Variants in BRD7 observed in about 807,000 individuals in gnomAD.
BRD7 encodes bromodomain-containing protein 7.
BRD7 carries 15 observed loss-of-function variants against 82.1 expected under a neutral mutation model. That is an observed-to-expected ratio of 0.18 (90% CI 0.12 to 0.28). The LOEUF is 0.28. Among genes scored for constraint, BRD7 ranks in the 10% least tolerant of loss-of-function variants. The pLI is 1.00. For synonymous variants in BRD7, 232 were observed against 266.9 expected (o/e 0.87, Z 1.27); for missense variants, 638 against 779.9 (o/e 0.82, Z 2.17).
chr16:50,326,492 A>G (rs888624242), intron 9 of BRD7, 101 bp from the exon 10 acceptor site: 1 of 717,574 alleles, frequency 1.4e-6, no homozygotes, highest in Non-Finnish European at 2.2e-6. Flanking sequence ...TGTCATCTGC[A>G]TGACCGTGAA....
At chr16:50,339,899 G>A (rs1366276197) in intron 6 of BRD7, 77 bp downstream of exon 6, 4 of 751,128 alleles carry the variant, frequency 5.3e-6, no homozygotes, top group Non-Finnish European at 8.6e-6. Context: ...ATACTGTATT[G>A]TATCTGTATT....
chr16:50,341,966 AC>A (rs1248876384), intron 5 of BRD7, among the ~76,000 whole-genome samples: 4 of 149,474 alleles, frequency 2.7e-5, no homozygotes, highest in Non-Finnish European at 6.0e-5. Context: ...ACACACACAC[AC>A]ATTTTACTTC....
chr16:50,320,387 A>T lies in BRD7; in HGVS notation c.1617T>A (p.Ala539=), dbSNP rs1323115797. ...VPVEVFDSEE[A]EIFQKKLDET... is the part of the protein sequence containing the mutation. ...CATCAAGTTTCTTCTGGAATATTTCAGCTTCTGTGTGGTAAGAAAACAGAC... is the reference window on the plus strand; with the variant it reads ...CATCAAGTTTCTTCTGGAATATTTCTGCTTCTGTGTGGTAAGAAAACAGAC... Residue 539 remains alanine (A), a synonymous_variant, in exon 15 of 17, where the codon GCT becomes GCA. Transcript: ENST00000394688. 6.2e-7 allele frequency: 1 copy of T among 1,613,214 alleles called. No individual in the cohort carries two copies. The highest frequency in any genetic ancestry group is 8.5e-7 in the Non-Finnish European group (1 of 1,179,666).
intron 2 of BRD7, chr16:50,361,854 C>T (rs2038947706): frequency 6.6e-6 from 1 of 152,098 alleles, no homozygotes; most frequent in African/African-American, 2.4e-5. Flanking sequence ...AACAACAGCT[C>T]CATAATCCTC....
intron 12 of BRD7, 114 bp from the exon 13 acceptor site, chr16:50,322,152 T>G: frequency 2.6e-6 from 2 of 766,456 alleles, no homozygotes; most frequent in Non-Finnish European, 4.3e-6. Context: ...AAATATGGAC[T>G]ACTGGAATAT....
intron 11 of BRD7, among the ~76,000 whole-genome samples, chr16:50,324,924 C>G (rs939719954): frequency 6.6e-6 from 1 of 152,220 alleles, no homozygotes; most frequent in Non-Finnish European, 1.5e-5. Flanking sequence ...AAACCACAGT[C>G]AACTTCGGAC....
chr16:50,326,482 T>C (rs2037345594), intron 9 of BRD7, 91 bp from the exon 10 acceptor site: 2 of 775,726 alleles, frequency 2.6e-6, no homozygotes, highest in Non-Finnish European at 4.0e-6. Context: ...AACCACTGCA[T>C]GTCATCTGCA....
At chr16:50,360,138 T>C (rs1453201663) in intron 2 of BRD7, among the ~76,000 whole-genome samples, 1 of 152,222 alleles carries the variant, frequency 6.6e-6, no homozygotes, top group African/African-American at 2.4e-5. Context: ...CCTGTTCTAC[T>C]GGAGCTCCCT....
chr16:50,333,726 A>AC (rs751977044), intron 7 of BRD7, 29 bp from the exon 8 acceptor site: 1 of 1,456,578 alleles, frequency 6.9e-7, no homozygotes. Flanking sequence ...ACTAAGTAAA[A>AC]AAAAAACAAA....
At chr16:50,348,889 A>G (rs2038398340) in intron 5 of BRD7, 1 of 152,280 alleles carries the variant, frequency 6.6e-6, no homozygotes, top group Non-Finnish European at 1.5e-5. Flanking sequence ...CATTTGACCC[A>G]GCAATCCCAT....
rs770702273 is a variant in BRD7, at chr16:50,368,190, T to C, written c.158A>G (p.Asn53Ser). Reference protein sequence around the residue: ...GHDSSLFEDKNDHDKHKDRKR... With the variant: ...GHDSSLFEDKSDHDKHKDRKR... ...TCTGTCCTTGTGTTTGTCATGATCG[T>C]TTTTGTCTTCGAAGAGGCTGGAGTC... Residue 53 changes from asparagine to serine, a missense_variant, in exon 2 of 17, where the codon AAC becomes AGC. Coordinates refer to ENST00000394688, the MANE Select transcript of BRD7 (RefSeq NM_013263.5). 1 of 1,614,190 alleles carries C rather than the reference T, an allele frequency of 6.2e-7. No individual in the cohort carries two copies. The highest frequency in any genetic ancestry group is 1.3e-5 in the African/African-American group (1 of 75,064).
At chr16:50,342,654 C>T (rs1274486030) in intron 5 of BRD7, among the ~76,000 whole-genome samples, 2 of 151,988 alleles carry the variant, frequency 1.3e-5, no homozygotes, top group Admixed American at 6.6e-5. Context: ...ATCTCCTGAC[C>T]TTGTGATCCA....
intron 9 of BRD7, 67 bp from the exon 10 acceptor site, chr16:50,326,458 AG>A: frequency 8.8e-7 from 1 of 1,139,032 alleles, no homozygotes; most frequent in Non-Finnish European, 1.2e-6. Context: ...CCCTCTGCCG[AG>A]TGACTCCGCA....
At chr16:50,349,319 G>C in intron 5 of BRD7, 1 of 308,382 alleles carries the variant, frequency 3.2e-6, no homozygotes, top group South Asian at 2.7e-5. Context: ...TGGGTTCAGC[G>C]CACCAACATG....
chr16:50,328,170 G>T (rs1285815567), intron 9 of BRD7, among the ~76,000 whole-genome samples: 2 of 152,080 alleles, frequency 1.3e-5, no homozygotes, highest in Non-Finnish European at 2.9e-5. Context: ...AAATATGACT[G>T]AGGTTCTAAA....
chr16:50,333,627 G>C lies in BRD7; in HGVS notation c.958C>G (p.Arg320Gly), dbSNP rs772475151. ...TTTCCTCCAGATTCCTTCACGATGC[G>C]GTCAAGCTGCTCCTGCTCTCTCTCT... ...NLEREQEQLD[R>G]IVKESGGKLT... is the part of the protein sequence containing the mutation. The change falls in exon 8 of 17, where the codon CGC becomes GGC. Residue 320 changes from arginine (R) to glycine (G), a missense_variant. By Grantham distance (125) the Arg-to-Gly change is moderately radical (BLOSUM62 -2). This residue lies in a region of BRD7 where 402 missense variants were observed against 500.8 expected (regional missense o/e 0.80). Coordinates refer to ENST00000394688, the MANE Select transcript of BRD7 (RefSeq NM_013263.5). 3.7e-5 allele frequency: 60 copies of C among 1,611,572 alleles called. No individual in the cohort carries two copies. The highest frequency in any genetic ancestry group is 5.0e-5 in the Non-Finnish European group (59 of 1,179,708).
intron 4 of BRD7, among the ~76,000 whole-genome samples, chr16:50,353,641 T>G (rs983119798): frequency 2.0e-5 from 3 of 152,098 alleles, no homozygotes; most frequent in Non-Finnish European, 4.4e-5. Context: ...TTGCCCAGGC[T>G]GGAGTGCAGT....
rs374103400 is a variant in BRD7, at chr16:50,354,448, A to T, written c.423T>A (p.Asn141Lys). 15 of 1,612,454 alleles carry T rather than the reference A, an allele frequency of 9.3e-6. No individual in the cohort carries two copies. The highest frequency in any genetic ancestry group is 3.3e-5 in the Admixed American group (2 of 59,950). ...ACCTCTGCAATTGTCTCATCAGTTG[A>T]TTCAAAGCTTCTTGAAGGGGTGTCT... Reference protein sequence around the residue: ...VEQTPLQEALNQLMRQLQRKD... With the variant: ...VEQTPLQEALKQLMRQLQRKD... The change falls in exon 4 of 17, where the codon AAT becomes AAA. Residue 141 changes from asparagine to lysine, a missense_variant. Physicochemically the swap from Asn to Lys is moderately conservative, Grantham distance 94. Coordinates refer to ENST00000394688, the MANE Select transcript of BRD7 (RefSeq NM_013263.5).
intron 5 of BRD7, among the ~76,000 whole-genome samples, chr16:50,344,826 A>G (rs1456734555): frequency 6.6e-6 from 1 of 152,218 alleles, no homozygotes; most frequent in Non-Finnish European, 1.5e-5. Context: ...GAATGGAACC[A>G]AGTTGGAAAA....
Sources: allele counts gnomAD v4.1 joint callset (sites outside exome capture counted in the v4.1 genomes callset), GRCh38; gene constraint gnomAD v4.1.1; regional missense constraint gnomAD v4.1.1; transcripts MANE v1.5; gene names NCBI Gene and HGNC (gene_info 2026-07-23, HGNC 2026-07-21).